CCNB2: variants seen among roughly 807,000 people sequenced by gnomAD.
The protein encoded by CCNB2 is cyclin B2, also known as G2/mitotic-specific cyclin-B2.
CCNB2 carries 39 observed loss-of-function variants against 51.1 expected under a neutral mutation model. The ratio of observed to expected loss-of-function variants is 0.76; its 90% CI spans 0.59 to 1.00. CCNB2 has a LOEUF of 1.00. Ranked by LOEUF, CCNB2 falls within the 50% of genes least tolerant of loss-of-function variation. CCNB2 has a pLI of 0.00. For missense variants in CCNB2, 472 were observed against 470.3 expected, an observed-to-expected ratio of 1.00 and a Z score of -0.03; for synonymous variants, 174 against 165.5, an observed-to-expected ratio of 1.05 and a Z score of -0.40.
intron 8 of CCNB2, 62 bp downstream of exon 8, chr15:59,123,689 TGGGCGGGGGG>T: frequency 6.5e-6 from 3 of 458,322 alleles, no homozygotes; most frequent in Non-Finnish European, 1.1e-5. Context: ...GTGTGTATGT[TGGGCGGGGGG>T]GGGCGGTGTG....
At chr15:59,121,959 AAAG>A (rs1263537592) in intron 7 of CCNB2, among the ~76,000 whole-genome samples, 3 of 143,772 alleles carry the variant, frequency 2.1e-5, no homozygotes, top group Non-Finnish European at 3.0e-5. Flanking sequence ...AAAAAAAAAA[AAAG>A]GAGAAATTAC....
At chr15:59,121,823 C>G (rs1003359606) in intron 7 of CCNB2, among the ~76,000 whole-genome samples, 4 of 150,908 alleles carry the variant, frequency 2.7e-5, no homozygotes, top group African/African-American at 9.8e-5. Context: ...TCTCAGCTAC[C>G]CAGGAGGCTG....
At chr15:59,113,017 G>A (rs149496354) in intron 3 of CCNB2, among the ~76,000 whole-genome samples, 1 of 151,352 alleles carries the variant, frequency 6.6e-6, no homozygotes, top group Non-Finnish European at 1.5e-5. Flanking sequence ...CTGGGCGACA[G>A]AGCGAGACTC....
intron 3 of CCNB2, among the ~76,000 whole-genome samples, chr15:59,111,300 C>T (rs1281204397): frequency 6.6e-6 from 1 of 152,168 alleles, no homozygotes; most frequent in African/African-American, 2.4e-5. Context: ...TTCCAAAGTG[C>T]CCGGATCACA....
chr15:59,123,702 G>C, intron 8 of CCNB2, 75 bp downstream of exon 8: 3 of 677,800 alleles, frequency 4.4e-6, no homozygotes, highest in Non-Finnish European at 7.9e-6. Context: ...GCGGGGGGGG[G>C]CGGTGTGTGC....
intron 7 of CCNB2, among the ~76,000 whole-genome samples, chr15:59,122,524 CT>C (rs547047403): frequency 2.2e-3 from 301 of 138,444 alleles, no homozygotes; most frequent in African/African-American, 5.6e-3. Context: ...TGCGCCTGGC[CT>C]TTTTTTTTTT....
intron 3 of CCNB2, among the ~76,000 whole-genome samples, chr15:59,111,049 T>C (rs2079255453): frequency 6.6e-6 from 1 of 152,210 alleles, no homozygotes; most frequent in Non-Finnish European, 1.5e-5. Context: ...TGAGGAGTCA[T>C]AGCTAGAACA....
chr15:59,108,902 A>G (rs1176080200), intron 3 of CCNB2, among the ~76,000 whole-genome samples: 4 of 152,208 alleles, frequency 2.6e-5, no homozygotes, highest in African/African-American at 4.8e-5. Context: ...AGCCTTCCCT[A>G]GAAGGTTTCT....
At chr15:59,108,879 A>G (rs184633833) in intron 3 of CCNB2, among the ~76,000 whole-genome samples, 2 of 152,254 alleles carry the variant, frequency 1.3e-5, no homozygotes, top group Admixed American at 1.3e-4. Flanking sequence ...TTGAGATGGG[A>G]CTTCATTTAA....
intron 3 of CCNB2, among the ~76,000 whole-genome samples, chr15:59,111,856 C>CTTTCTT (rs772130816): frequency 1.5e-5 from 2 of 133,984 alleles, no homozygotes. Flanking sequence ...TTCTTTCTTT[C>CTTTCTT]TTTTTTTTTT....
In CCNB2 at chr15:59,117,351, C is replaced by T. The variant is rs745599085; in HGVS notation, c.958C>T (p.Leu320=). The T allele has an allele frequency of 7.4e-6, 12 of 1,613,552 alleles. 1 individual carries two copies. The Admixed American group carries it at 2.0e-4, about 27-fold the overall frequency. ...AAASCLSQKV[L]GQGKWNLKQQ... is the part of the protein sequence containing the mutation. ...TGCTTCCTGCTTGTCTCAGAAGGTTCTAGGACAAGGAAAATGGGTGAGTGG... is the reference window on the plus strand; with the variant it reads ...TGCTTCCTGCTTGTCTCAGAAGGTTTTAGGACAAGGAAAATGGGTGAGTGG... The change falls in exon 7 of 9, where the codon CTA becomes TTA. Residue 320 remains leucine (L), a synonymous_variant. Coordinates refer to ENST00000288207, the MANE Select transcript of CCNB2 (RefSeq NM_004701.4).
At chr15:59,123,900 T>C in intron 8 of CCNB2, 1 of 368,918 alleles carries the variant, frequency 2.7e-6, no homozygotes, top group Non-Finnish European at 5.1e-6. Flanking sequence ...ACTCAATGTA[T>C]TGAATTACTC....
chr15:59,114,969 A>G (rs2079273263), intron 5 of CCNB2, 93 bp downstream of exon 5: 3 of 1,294,420 alleles, frequency 2.3e-6, no homozygotes, highest in African/African-American at 1.5e-5. Context: ...ACTTCTGAAA[A>G]AAAGACCAAA....
At position 59,122,241 on chromosome 15, in the gene CCNB2, C is replaced by CTTTT. The variant is rs1162917277; in HGVS notation, c.976-1254_976-1251dup. ...TCTTAAATAAAGTCAGTTGACATAT[C>CTTTT]TTTTTTTTTTTTTTTTTTTTTTTTT... On this transcript the variant is annotated intron_variant, in intron 7 of 8. Transcript: ENST00000288207. Among the ~76,000 whole-genome samples, 370 of 72,978 alleles carry CTTTT rather than the reference C, an allele frequency of 5.1e-3. 48 individuals are homozygous for CTTTT. Among genetic ancestry groups the CTTTT allele is most frequent in the African/African-American group, 0.019 (328 of 17,160 alleles). 47.9% of individuals were successfully genotyped at this position (72,978 alleles called of 152,430 possible).
chr15:59,118,381 A>G (rs2079287769), intron 7 of CCNB2, among the ~76,000 whole-genome samples: 1 of 152,180 alleles, frequency 6.6e-6, no homozygotes, highest in Non-Finnish European at 1.5e-5. Flanking sequence ...AAACCTCATC[A>G]GAACCTAGGG....
chr15:59,108,023 AC>A lies in CCNB2; in HGVS notation c.267+356del, dbSNP rs539445635. On this transcript the variant is annotated intron_variant, in intron 3 of 8. Transcript: ENST00000288207. ...CTGAAAAAAAAAAATAAATATTACG[AC>A]CCTGAATAATAAAGTTGATTACCTT... 4.0e-3 allele frequency among the ~76,000 whole-genome samples: 607 copies of A among 152,212 alleles called. 4 individuals are homozygous for A. Among genetic ancestry groups the A allele is most frequent in the Middle Eastern group, 6.8e-3 (2 of 294 alleles).
intron 3 of CCNB2, among the ~76,000 whole-genome samples, chr15:59,113,404 T>C (rs28383519): frequency 0.023 from 3,462 of 152,264 alleles, 79 homozygotes; most frequent in African/African-American, 0.047. Context: ...GTATCAGGGA[T>C]TATATAGATG....
chr15:59,124,606 G>A, intron 8 of CCNB2, 161 bp from the exon 9 acceptor site: 1 of 635,108 alleles, frequency 1.6e-6, no homozygotes, highest in Non-Finnish European at 2.8e-6. Flanking sequence ...AAATGGTCAG[G>A]CACATGTTAT....
rs749218830 is a variant in CCNB2, at chr15:59,107,694, C to T, written c.267+24C>T. The T allele has an allele frequency of 2.8e-5, 45 of 1,581,282 alleles. No individual in the cohort carries two copies. In the East Asian group the frequency reaches 7.6e-4, roughly 27 times the overall value. ...AGGTAGGAAGTTCTGAATTTACAAACGTATTTAATGAGGTAGCCTGTTTTT... is the reference window on the plus strand; with the variant it reads ...AGGTAGGAAGTTCTGAATTTACAAATGTATTTAATGAGGTAGCCTGTTTTT... On this transcript the variant is annotated intron_variant, in intron 3 of 8. Coordinates refer to ENST00000288207, the MANE Select transcript of CCNB2 (RefSeq NM_004701.4).
Sources: gnomAD v4.1 joint callset for allele counts (sites outside exome capture counted in the v4.1 genomes callset) on GRCh38, gnomAD v4.1.1 for gene constraint, MANE v1.5 for transcripts, NCBI Gene and HGNC (gene_info 2026-07-23, HGNC 2026-07-21) for gene names.